The following CSRNP3 variants were observed in gnomAD, a reference collection of about 807,000 sequenced individuals.
CSRNP3 encodes the protein cysteine/serine-rich nuclear protein 3.
Under a neutral mutation model 48.0 loss-of-function variants are expected in CSRNP3, and 12 were observed. The observed-to-expected ratio is 0.25, with a 90% CI of 0.16 to 0.41. CSRNP3 has a LOEUF of 0.41. CSRNP3 is among the 10% of genes least tolerant of loss of function. The probability of loss-of-function intolerance (pLI) is 1.00; values close to 1 mark genes in which losing one functional copy is unlikely to be tolerated. For synonymous variants in CSRNP3, 263 were observed against 269.7 expected (o/e 0.98, Z 0.24); for missense variants, 580 against 724.4 (o/e 0.80, Z 2.29).
intron 2 of CSRNP3, among the ~76,000 whole-genome samples, chr2:165,507,363 C>G (rs1360710963): frequency 1.3e-5 from 2 of 152,038 alleles, no homozygotes; most frequent in African/African-American, 4.8e-5. Flanking sequence ...TTTTTGGTAC[C>G]CCAGAACCTA....
chr2:165,523,799 G>A (rs1017056801), intron 3 of CSRNP3, among the ~76,000 whole-genome samples: 2 of 152,090 alleles, frequency 1.3e-5, no homozygotes, highest in Admixed American at 6.6e-5. Flanking sequence ...CACTACAGAG[G>A]TCAAACAACA....
intron 4 of CSRNP3, among the ~76,000 whole-genome samples, chr2:165,640,901 A>T (rs1686711645): frequency 6.6e-6 from 1 of 152,220 alleles, no homozygotes; most frequent in African/African-American, 2.4e-5. Flanking sequence ...TACCTATTTA[A>T]ACTATGATCG....
rs1410573602 is a variant in CSRNP3, at chr2:165,666,873, G to A, written c.408+8853G>A. Among the ~76,000 whole-genome samples the A allele has an allele frequency of 2.4e-3, 199 of 81,228 alleles. 16 individuals are homozygous for A. The highest frequency in any genetic ancestry group is 3.6e-3 in the East Asian group (8 of 2,194). The allele number at this position is 81,228 out of a possible 152,430, so 53.3% of individuals were successfully genotyped here. A position where few individuals can be genotyped will look rare whatever the true frequency, so the allele number is the denominator to read the frequency against. On this transcript the variant is annotated intron_variant, in intron 5 of 6. Coordinates refer to ENST00000651982, the MANE Select transcript of CSRNP3 (RefSeq NM_001172173.2). ...GAGGAAAGAGAGAGAGTAAGAAAGA[G>A]AGAGAGGAAGAAGGAAAGAGAGAGA... is the stretch of plus-strand genomic sequence containing the variant.
At chr2:165,558,112 G>A (rs558973476) in intron 3 of CSRNP3, among the ~76,000 whole-genome samples, 6 of 151,978 alleles carry the variant, frequency 3.9e-5, no homozygotes, top group African/African-American at 1.2e-4. Flanking sequence ...AAAGAAAATC[G>A]GGACCACAGG....
At chr2:165,510,179 C>T (rs78377959) in intron 2 of CSRNP3, among the ~76,000 whole-genome samples, 3,564 of 152,052 alleles carry the variant, frequency 0.023, 132 homozygotes, top group African/African-American at 0.078. Flanking sequence ...TATTTTTTCA[C>T]GCTCTGTTTT....
At chr2:165,565,280 T>C (rs146172979) in intron 3 of CSRNP3, among the ~76,000 whole-genome samples, 111 of 152,222 alleles carry the variant, frequency 7.3e-4, no homozygotes, top group Non-Finnish European at 1.4e-3. Flanking sequence ...AATATCTAAG[T>C]AGAGTTTATT....
At chr2:165,503,438 G>A (rs1684383776) in intron 2 of CSRNP3, among the ~76,000 whole-genome samples, 3 of 151,760 alleles carry the variant, frequency 2.0e-5, no homozygotes, top group Admixed American at 2.0e-4. Flanking sequence ...ACCAACATTA[G>A]TGTTATATTA....
chr2:165,545,251 G>A (rs1487372784), intron 3 of CSRNP3, among the ~76,000 whole-genome samples: 1 of 152,164 alleles, frequency 6.6e-6, no homozygotes, highest in East Asian at 1.9e-4. Flanking sequence ...TTAATGCCAG[G>A]AGTTTTGCTG....
At chr2:165,676,942 A>C (rs1413344591) in intron 6 of CSRNP3, among the ~76,000 whole-genome samples, 2 of 152,234 alleles carry the variant, frequency 1.3e-5, no homozygotes, top group African/African-American at 4.8e-5. Context: ...AGATCATGAC[A>C]TCCCTAACAC....
chr2:165,679,349 G>C lies in CSRNP3; in HGVS notation c.1354G>C (p.Glu452Gln). The C allele has an allele frequency of 6.2e-7, 1 of 1,613,622 alleles. No homozygotes were observed. The highest frequency in any genetic ancestry group is 8.5e-7 in the Non-Finnish European group (1 of 1,179,880). Reference sequence around the variant, plus strand: ...TCCAGGAACTCCAAATCAGATCTCTGAGAACTATTCTGAAAGAGACACTGT... The same window carrying C: ...TCCAGGAACTCCAAATCAGATCTCTCAGAACTATTCTGAAAGAGACACTGT... Reference protein sequence around the residue: ...HIPGTPNQISENYSERDTVKN... With the variant: ...HIPGTPNQISQNYSERDTVKN... Residue 452 changes from glutamate to glutamine, a missense_variant, in exon 7 of 7, where the codon GAG (glutamate) becomes CAG (glutamine). Glu to Gln is a conservative substitution (Grantham distance 29). Transcript: ENST00000651982.
In CSRNP3 at chr2:165,622,584, G is replaced by A. The variant is rs189931636; in HGVS notation, c.148+27371G>A. ...TGAGAACTCATGATTCTTCTATCTC[G>A]TTGATCCACCATATTTAACACTGTT... On this transcript the variant is annotated intron_variant, in intron 4 of 6. Transcript: ENST00000651982. 8.9e-4 allele frequency among the ~76,000 whole-genome samples: 136 copies of A among 152,144 alleles called. 1 individual carries two copies. The highest frequency in any genetic ancestry group is 2.9e-3 in the South Asian group (14 of 4,816).
rs185730883 is a variant in CSRNP3, at chr2:165,539,685, G to A, written c.-24+21724G>A. Among the ~76,000 whole-genome samples the A allele has an allele frequency of 2.6e-4, 40 of 151,980 alleles. No homozygotes were observed. In the East Asian group the frequency reaches 5.8e-3, roughly 22 times the overall value. On this transcript the variant is annotated intron_variant, in intron 3 of 6. Coordinates refer to ENST00000651982, the MANE Select transcript of CSRNP3 (RefSeq NM_001172173.2). ...CTGCGACCTTTTTATTTAAATCAAC[G>A]TGAATTTATATTTGCACTCCAAGTG...
At chr2:165,571,198 T>G (rs1437717836) in intron 3 of CSRNP3, among the ~76,000 whole-genome samples, 1 of 151,916 alleles carries the variant, frequency 6.6e-6, no homozygotes, top group Non-Finnish European at 1.5e-5. Context: ...CTCAGAAAAT[T>G]TATTTTCTCA....
At chr2:165,637,121 T>C (rs1472460269) in intron 4 of CSRNP3, among the ~76,000 whole-genome samples, 1 of 152,180 alleles carries the variant, frequency 6.6e-6, no homozygotes, top group Non-Finnish European at 1.5e-5. Context: ...GTCACAGAAA[T>C]ATGATTCTAG....
At chr2:165,608,029 TGTG>T (rs930184274) in intron 4 of CSRNP3, among the ~76,000 whole-genome samples, 1 of 151,434 alleles carries the variant, frequency 6.6e-6, no homozygotes, top group African/African-American at 2.4e-5. Flanking sequence ...ATGACATCTT[TGTG>T]TTTTCAAAGT....
rs201521679 is a variant in CSRNP3 at position 165,679,510 on chromosome 2, C to A, written c.1515C>A (p.Ser505=). The A allele has an allele frequency of 1.9e-4, 305 of 1,613,754 alleles. 1 individual carries two copies. In the East Asian group the frequency reaches 3.7e-3, roughly 20 times the overall value. Residue 505 remains serine, a synonymous_variant, in exon 7 of 7, where the codon TCC becomes TCA. Transcript: ENST00000651982. ...ACCCCTCTGTAATCGTTTGCTGCTC[C>A]TCTTCCGAAAATGATAGCGGTGTGC... The part of the protein sequence containing the change: ...AANPSVIVCC[S]SSENDSGVPC...
chr2:165,512,780 A>G (rs180828417), intron 2 of CSRNP3, among the ~76,000 whole-genome samples: 2 of 152,330 alleles, frequency 1.3e-5, no homozygotes, highest in Admixed American at 1.3e-4. Flanking sequence ...AATAGAATTA[A>G]TATGACTGTC....
At chr2:165,584,924 T>C (rs1184415376) in intron 3 of CSRNP3, among the ~76,000 whole-genome samples, 2 of 152,318 alleles carry the variant, frequency 1.3e-5, no homozygotes, top group Admixed American at 6.5e-5. Context: ...CATAATGTTT[T>C]AAGAAAGTTT....
chr2:165,551,169 C>T (rs963058264), intron 3 of CSRNP3, among the ~76,000 whole-genome samples: 1 of 152,116 alleles, frequency 6.6e-6, no homozygotes, highest in Non-Finnish European at 1.5e-5. Context: ...TGTTTCACCC[C>T]TGCTAACTCA....
Sources: gnomAD v4.1 joint callset for allele counts (sites outside exome capture counted in the v4.1 genomes callset) on GRCh38, gnomAD v4.1.1 for gene constraint, MANE v1.5 for transcripts, NCBI Gene and HGNC (gene_info 2026-07-23, HGNC 2026-07-21) for gene names.